The following DGCR8 variants were observed in gnomAD, a reference collection of about 807,000 sequenced individuals.
DGCR8 encodes DGCR8 microprocessor complex subunit, also known as microprocessor complex subunit DGCR8.
In DGCR8, 14 loss-of-function variants were observed where a neutral mutation model predicts 78.5. The ratio of observed to expected loss-of-function variants is 0.18; its 90% CI spans 0.12 to 0.28. The LOEUF (loss-of-function observed/expected upper bound fraction) is 0.28, where lower values mean the gene tolerates loss of function less well. DGCR8 is among the 10% of genes least tolerant of loss of function. The pLI is 1.00. For missense variants in DGCR8, 702 were observed against 1,022.5 expected (o/e 0.69, Z 4.28); for synonymous variants, 399 against 402.4 (o/e 0.99, Z 0.10).
chr22:20,107,432 G>A (rs1211463662), intron 12 of DGCR8, 34 bp downstream of exon 12: 1 of 1,612,854 alleles, frequency 6.2e-7, no homozygotes, highest in South Asian at 1.1e-5. Context: ...AGGGCAGCCT[G>A]TGCTGCCACC....
chr22:20,100,769 G>T (rs1433687523), intron 9 of DGCR8: 32 of 985,240 alleles, frequency 3.2e-5, no homozygotes, highest in Non-Finnish European at 3.6e-5. Context: ...GGTGGCTTCC[G>T]CTGTAGACTC....
chr22:20,082,234 A>T (rs1019448601), intron 1 of DGCR8, among the ~76,000 whole-genome samples: 6 of 142,222 alleles, frequency 4.2e-5, no homozygotes, highest in Non-Finnish European at 7.7e-5. Context: ...TGATTTTTGT[A>T]TTTTTAGTAG....
chr22:20,101,419 A>T lies in DGCR8; in HGVS notation c.1789-4758A>T, dbSNP rs573992462. The T allele has an allele frequency of 3.2e-5, 22 of 693,026 alleles. No individual in the cohort carries two copies. In the South Asian group the frequency reaches 1.4e-3, roughly 43 times the overall value. The allele number at this position is 693,026 out of a possible 1,614,324, so 42.9% of individuals were successfully genotyped here. On this transcript the variant is annotated intron_variant, in intron 9 of 13. Coordinates refer to ENST00000351989, the MANE Select transcript of DGCR8 (RefSeq NM_022720.7). Reference sequence around the variant, plus strand: ...GTGAAACCCCGTCTCTACTAAAAACATACAAAAAATTAGCCGGGCATGGTG... The same window carrying T: ...GTGAAACCCCGTCTCTACTAAAAACTTACAAAAAATTAGCCGGGCATGGTG...
At chr22:20,093,790 G>A (rs1387340763) in intron 8 of DGCR8, among the ~76,000 whole-genome samples, 2 of 152,206 alleles carry the variant, frequency 1.3e-5, no homozygotes, top group Non-Finnish European at 1.5e-5. Flanking sequence ...CCCTGCATTC[G>A]TGGTAGTTGA....
chr22:20,100,814 A>T, intron 9 of DGCR8: 1 of 985,212 alleles, frequency 1.0e-6, no homozygotes, highest in Non-Finnish European at 1.2e-6. Flanking sequence ...CCCTACTCCG[A>T]TCCTCCCACA....
At chr22:20,109,162 A>G in intron 13 of DGCR8, 159 bp downstream of exon 13, 1 of 545,218 alleles carries the variant, frequency 1.8e-6, no homozygotes, top group South Asian at 2.0e-5. Context: ...GAGCTTCGAC[A>G]TGTGTGATAG....
Position 20,104,937 on chromosome 22 carries a change from G to C in DGCR8, c.1789-1240G>C, listed in dbSNP as rs539988455. On this transcript the variant is annotated intron_variant, in intron 9 of 13. Coordinates refer to ENST00000351989, the MANE Select transcript of DGCR8 (RefSeq NM_022720.7). ...CACTGTGGAGCCTGCACAGCGAGGC[G>C]TGTGAATCATTTGATTCTAGGTTTC... is the stretch of plus-strand genomic sequence containing the variant. Among the ~76,000 whole-genome samples, 6 of 152,316 alleles carry C rather than the reference G, an allele frequency of 3.9e-5. No homozygotes were observed. In the East Asian group the frequency reaches 1.2e-3, roughly 29 times the overall value.
At chr22:20,102,548 G>C (rs899168439) in intron 9 of DGCR8, among the ~76,000 whole-genome samples, 2 of 152,208 alleles carry the variant, frequency 1.3e-5, no homozygotes, top group Non-Finnish European at 1.5e-5. Flanking sequence ...GTTTCCTTCA[G>C]GTAAACCCTT....
intron 10 of DGCR8, 148 bp from the exon 11 acceptor site, chr22:20,106,444 G>A (rs113088659): frequency 0.027 from 21,698 of 804,924 alleles, 390 homozygotes; most frequent in East Asian, 0.047. Context: ...GGCCTGAATC[G>A]GGCGTGTGGA....
Position 20,111,157 on chromosome 22 carries a change from G to A in DGCR8, c.*1049G>A, listed in dbSNP as rs542768202. Reference sequence around the variant, plus strand: ...CTGCCTGGTGCCCAGCTTGCTTCTCGACTGGTGGCCCCTATGGGTGGGTGT... The same window carrying A: ...CTGCCTGGTGCCCAGCTTGCTTCTCAACTGGTGGCCCCTATGGGTGGGTGT... On this transcript the variant is annotated 3_prime_UTR_variant, in exon 14 of 14. Coordinates refer to ENST00000351989, the MANE Select transcript of DGCR8 (RefSeq NM_022720.7). 28 of 398,696 alleles carry A rather than the reference G, an allele frequency of 7.0e-5. No individual in the cohort carries two copies. The South Asian group carries it at 2.6e-3, about 37-fold the overall frequency. 24.7% of individuals were successfully genotyped at this position (398,696 alleles called of 1,614,324 possible). A position where few individuals can be genotyped will look rare whatever the true frequency, so the allele number is the denominator to read the frequency against.
chr22:20,106,324 CCT>C, intron 10 of DGCR8, 47 bp downstream of exon 10: 4 of 1,476,888 alleles, frequency 2.7e-6, no homozygotes, highest in Non-Finnish European at 3.8e-6. Flanking sequence ...CGGGGGAGCT[CCT>C]CTCTGGCGTC....
chr22:20,101,615 C>T lies in DGCR8; in HGVS notation c.1789-4562C>T, dbSNP rs977429714. 18 of 985,192 alleles carry T rather than the reference C, an allele frequency of 1.8e-5. No homozygotes were observed. In the African/African-American group the frequency reaches 3.1e-4, roughly 17 times the overall value. The allele number at this position is 985,192 out of a possible 1,614,324, so 61.0% of individuals were successfully genotyped here. ...ATGTATATATGTCATCTGTGATGTC[C>T]CCATTTAAAAATCTGTCAGAGGGGA... On this transcript the variant is annotated intron_variant, in intron 9 of 13. Transcript: ENST00000351989.
At chr22:20,106,741 G>C in intron 11 of DGCR8, 43 bp downstream of exon 11, 4 of 1,423,546 alleles carry the variant, frequency 2.8e-6, no homozygotes, top group Non-Finnish European at 4.0e-6. Flanking sequence ...CTGGGCGGGC[G>C]GCCCCTGGTG....
chr22:20,088,309 G>T (rs2049513669), intron 3 of DGCR8, among the ~76,000 whole-genome samples: 1 of 152,162 alleles, frequency 6.6e-6, no homozygotes, highest in African/African-American at 2.4e-5. Flanking sequence ...GGGCCTCTAG[G>T]AGGCTGGTTT....
chr22:20,085,912 G>A lies in DGCR8; in HGVS notation c.-52G>A, dbSNP rs970962673. 2 of 1,513,580 alleles carry A rather than the reference G, an allele frequency of 1.3e-6. No homozygotes were observed. Among genetic ancestry groups the A allele is most frequent in the Admixed American group, 2.1e-5 (1 of 46,814 alleles). The allele number at this position is 1,513,580 out of a possible 1,614,324, so 93.8% of individuals were successfully genotyped here. ...GTGCATGTTAGCTGTGTAGATTTATGTGAGGGCTTGTAAAACTCTGGTCTT... is the reference window on the plus strand; with the variant it reads ...GTGCATGTTAGCTGTGTAGATTTATATGAGGGCTTGTAAAACTCTGGTCTT... On this transcript the variant is annotated 5_prime_UTR_variant, in exon 2 of 14. It adds an upstream start codon to the 5' untranslated region. Transcript: ENST00000351989. This position sits in a 1 kb window ranked among gnomAD's most constrained non-coding sequence, Gnocchi z 6.2.
intron 9 of DGCR8, 140 bp from the exon 10 acceptor site, chr22:20,106,037 C>G: frequency 1.5e-6 from 1 of 645,202 alleles, no homozygotes; most frequent in South Asian, 1.8e-5. Context: ...CGGTGGGTTC[C>G]TTGCAGAGTT....
Position 20,111,448 on chromosome 22 carries a change from A to C in DGCR8, c.*1340A>C. On this transcript the variant is annotated 3_prime_UTR_variant, in exon 14 of 14. Coordinates refer to ENST00000351989, the MANE Select transcript of DGCR8 (RefSeq NM_022720.7). The stretch of plus-strand genomic sequence containing the variant: ...CCTTCCCTCACTACCTGTGTGACCA[A>C]GGTTGGCTTCTGTTGACCTTTAAAA... 1 of 398,002 alleles carries C rather than the reference A, an allele frequency of 2.5e-6. No individual in the cohort carries two copies. The highest frequency in any genetic ancestry group is 4.4e-6 in the Non-Finnish European group (1 of 225,970). 24.7% of individuals were successfully genotyped at this position (398,002 alleles called of 1,614,324 possible).
At chr22:20,104,148 G>A (rs922090244) in intron 9 of DGCR8, among the ~76,000 whole-genome samples, 1 of 151,570 alleles carries the variant, frequency 6.6e-6, no homozygotes, top group African/African-American at 2.4e-5. Flanking sequence ...AGGGCATCCT[G>A]GTGTCGGTCT....
At chr22:20,097,399 A>C (rs1451346976) in intron 9 of DGCR8, among the ~76,000 whole-genome samples, 1 of 152,148 alleles carries the variant, frequency 6.6e-6, no homozygotes, top group East Asian at 1.9e-4. Flanking sequence ...GCCAGTGTTG[A>C]TAGTTTGTGT....
Sources: gnomAD v4.1 joint callset for allele counts (sites outside exome capture counted in the v4.1 genomes callset) on GRCh38, gnomAD v4.1.1 for gene constraint, Gnocchi (gnomAD v3.1) non-coding constraint, MANE v1.5 for transcripts, NCBI Gene and HGNC (gene_info 2026-07-23, HGNC 2026-07-21) for gene names.